The following DGKE variants were observed in gnomAD, a reference collection of about 807,000 sequenced individuals.
DGKE encodes DAG kinase epsilon.
In DGKE, 53 loss-of-function variants were observed where a neutral mutation model predicts 70.0. The observed-to-expected ratio is 0.76, with a 90% CI of 0.61 to 0.95. DGKE has a LOEUF of 0.95. Among genes scored for constraint, DGKE ranks in the 40% least tolerant of loss-of-function variants. The pLI, the probability that DGKE is intolerant of heterozygous loss-of-function variation, is 0.00. For missense variants in DGKE, 655 were observed against 706.9 expected, an observed-to-expected ratio of 0.93 and a Z score of 0.83; for synonymous variants, 291 against 257.0, an observed-to-expected ratio of 1.13 and a Z score of -1.27.
intron 2 of DGKE, among the ~76,000 whole-genome samples, chr17:56,836,898 A>T (rs1031077476): frequency 6.6e-6 from 1 of 152,164 alleles, no homozygotes; most frequent in African/African-American, 2.4e-5. Flanking sequence ...TCCTCTCAGT[A>T]TTCTTCTGGC....
chr17:56,841,496 G>A (rs906116091), intron 2 of DGKE, among the ~76,000 whole-genome samples: 2 of 151,968 alleles, frequency 1.3e-5, no homozygotes, highest in African/African-American at 4.8e-5. Context: ...CACAAAAGGG[G>A]GCTGAAAAAC....
At position 56,863,269 on chromosome 17, in the gene DGKE, C is replaced by T. The variant is rs1230895523; in HGVS notation, c.*478C>T. On this transcript the variant is annotated 3_prime_UTR_variant, in exon 12 of 12. Coordinates refer to ENST00000284061, the MANE Select transcript of DGKE (RefSeq NM_003647.3). Reference sequence around the variant, plus strand: ...TGTGAGCATCCTCCTGCAGCATGCCCCTTAAGATTTTCTACAACCCAAACC... The same window carrying T: ...TGTGAGCATCCTCCTGCAGCATGCCTCTTAAGATTTTCTACAACCCAAACC... The T allele has an allele frequency of 1.3e-5, 2 of 152,170 alleles. No homozygotes were observed. Among genetic ancestry groups the T allele is most frequent in the African/African-American group, 4.8e-5 (2 of 41,404 alleles). The allele number at this position is 152,170 out of a possible 1,614,324, so 9.4% of individuals were successfully genotyped here.
In DGKE at chr17:56,868,975, G is replaced by A. The variant is rs908621402; in HGVS notation, c.*6184G>A. The stretch of plus-strand genomic sequence containing the variant: ...GAATTCACCTTATTTTCAGTTGGTA[G>A]AGTATGGAAAAATGTATCACTTATT... On this transcript the variant is annotated 3_prime_UTR_variant, in exon 12 of 12. Transcript: ENST00000284061. 7.9e-5 allele frequency: 12 copies of A among 152,326 alleles called. No homozygotes were observed. Among genetic ancestry groups the A allele is most frequent in the Admixed American group, 1.3e-4 (2 of 15,298 alleles). The allele number at this position is 152,326 out of a possible 1,614,324, so 9.4% of individuals were successfully genotyped here.
intron 2 of DGKE, 102 bp downstream of exon 2, chr17:56,835,361 A>T (rs748482164): frequency 2.2e-5 from 28 of 1,246,960 alleles, no homozygotes; most frequent in Admixed American, 7.9e-5. Flanking sequence ...GATGACCTAA[A>T]CTCATTTTGA....
intron 8 of DGKE, among the ~76,000 whole-genome samples, chr17:56,858,156 A>G (rs1255389321): frequency 6.6e-6 from 1 of 152,146 alleles, no homozygotes; most frequent in Non-Finnish European, 1.5e-5. Flanking sequence ...CTTAAATGGA[A>G]TGGCCTGTAT....
At chr17:56,862,087 T>C (rs1908327923) in intron 10 of DGKE, 53 bp from the exon 11 acceptor site, 1 of 1,591,662 alleles carries the variant, frequency 6.3e-7, no homozygotes, top group Admixed American at 1.7e-5. Flanking sequence ...TGCTCTAGCA[T>C]AACTGATTTT....
chr17:56,863,019 C>A lies in DGKE; in HGVS notation c.*228C>A, dbSNP rs965911703. 8.1e-6 allele frequency: 3 copies of A among 372,366 alleles called. No homozygotes were observed. The highest frequency in any genetic ancestry group is 4.4e-5 in the East Asian group (1 of 22,940). The allele number at this position is 372,366 out of a possible 1,614,324, so 23.1% of individuals were successfully genotyped here. The stretch of plus-strand genomic sequence containing the variant: ...ACTTCAAATGAATAGTATTAACTTA[C>A]AAAAAGTCACAAAAACTTACATGAG... On this transcript the variant is annotated 3_prime_UTR_variant, in exon 12 of 12. Coordinates refer to ENST00000284061, the MANE Select transcript of DGKE (RefSeq NM_003647.3).
chr17:56,857,663 C>T (rs1277198365), intron 8 of DGKE, among the ~76,000 whole-genome samples: 3 of 152,104 alleles, frequency 2.0e-5, no homozygotes, highest in African/African-American at 7.2e-5. Context: ...GATTAATACG[C>T]ATTACTATTC....
intron 7 of DGKE, among the ~76,000 whole-genome samples, chr17:56,854,019 G>T (rs1907800100): frequency 6.7e-6 from 1 of 149,450 alleles, no homozygotes; most frequent in Admixed American, 6.7e-5. Context: ...GTCATTCTCG[G>T]CAACATAGCT....
In DGKE at chr17:56,862,919, C is replaced by G; in HGVS notation, c.*128C>G. The stretch of plus-strand genomic sequence containing the variant: ...TTTCACTAGTAGTATAATGGGTATA[C>G]ATTTTTGTAAATAGCATCCCCAAAC... On this transcript the variant is annotated 3_prime_UTR_variant, in exon 12 of 12. Transcript: ENST00000284061. The G allele has an allele frequency of 1.3e-6, 1 of 745,846 alleles. No individual in the cohort carries two copies. Among genetic ancestry groups the G allele is most frequent in the Non-Finnish European group, 1.9e-6 (1 of 535,850 alleles). 46.2% of individuals were successfully genotyped at this position (745,846 alleles called of 1,614,324 possible).
At chr17:56,834,715 C>T (rs1906453554) in intron 1 of DGKE, 63 bp from the exon 2 acceptor site, 3 of 1,460,804 alleles carry the variant, frequency 2.1e-6, no homozygotes, top group East Asian at 2.3e-5. Flanking sequence ...CCCGGAAAGG[C>T]AGGAAGGGGG....
chr17:56,861,008 C>T (rs1346678430), intron 9 of DGKE, among the ~76,000 whole-genome samples: 1 of 152,140 alleles, frequency 6.6e-6, no homozygotes, highest in East Asian at 1.9e-4. Flanking sequence ...AAGTGTCGAT[C>T]CAACCGCTCT....
At chr17:56,840,521 A>G (rs1255740098) in intron 2 of DGKE, among the ~76,000 whole-genome samples, 1 of 152,122 alleles carries the variant, frequency 6.6e-6, no homozygotes, top group African/African-American at 2.4e-5. Flanking sequence ...GATTACAGGC[A>G]TGCACCACCA....
In DGKE at chr17:56,866,646, C is replaced by G. The variant is rs1264102663; in HGVS notation, c.*3855C>G. 1 of 152,186 alleles carries G rather than the reference C, an allele frequency of 6.6e-6. No homozygotes were observed. Among genetic ancestry groups the G allele is most frequent in the African/African-American group, 2.4e-5 (1 of 41,450 alleles). The allele number at this position is 152,186 out of a possible 1,614,324, so 9.4% of individuals were successfully genotyped here. ...TGTGGAATCAGTTTTTGGACTGTGA[C>G]CCATGCAGTGTTGGGGGACAAGGAG... On this transcript the variant is annotated 3_prime_UTR_variant, in exon 12 of 12. Coordinates refer to ENST00000284061, the MANE Select transcript of DGKE (RefSeq NM_003647.3).
intron 7 of DGKE, among the ~76,000 whole-genome samples, chr17:56,849,523 G>A (rs1013260596): frequency 6.6e-6 from 1 of 152,128 alleles, no homozygotes; most frequent in Non-Finnish European, 1.5e-5. Flanking sequence ...AGGTGAGAGA[G>A]TGCAAAGCAT....
chr17:56,834,988 A>C lies in DGKE; in HGVS notation c.193A>C (p.Thr65Pro). Reference sequence around the variant, plus strand: ...CAAGAGCAAGCACGGGTGGCGCGACACGGACCTGTTCAGCCAGCCCACCTA... The same window carrying C: ...CAAGAGCAAGCACGGGTGGCGCGACCCGGACCTGTTCAGCCAGCCCACCTA... Reference protein sequence around the residue: ...FRKSKHGWRDTDLFSQPTYCC... With the variant: ...FRKSKHGWRDPDLFSQPTYCC... Residue 65 changes from threonine to proline, a missense_variant, in exon 2 of 12, where the codon ACG (threonine) becomes CCG (proline). Physicochemically the swap from Thr to Pro is conservative, Grantham distance 38. Coordinates refer to ENST00000284061, the MANE Select transcript of DGKE (RefSeq NM_003647.3). 6.2e-7 allele frequency: 1 copy of C among 1,612,774 alleles called. No homozygotes were observed. The highest frequency in any genetic ancestry group is 8.5e-7 in the Non-Finnish European group (1 of 1,179,978).
At position 56,864,634 on chromosome 17, in the gene DGKE, T is replaced by G. The variant is rs1191891993; in HGVS notation, c.*1843T>G. 6.6e-6 allele frequency: 1 copy of G among 151,726 alleles called. No homozygotes were observed. Among genetic ancestry groups the G allele is most frequent in the Non-Finnish European group, 1.5e-5 (1 of 67,948 alleles). The allele number at this position is 151,726 out of a possible 1,614,324, so 9.4% of individuals were successfully genotyped here. A position where few individuals can be genotyped will look rare whatever the true frequency, so the allele number is the denominator to read the frequency against. ...TGGGCCAATCATGTTCTGAGTATTA[T>G]GAAGTTTATCCTTTCATTCATGATC... On this transcript the variant is annotated 3_prime_UTR_variant, in exon 12 of 12. Transcript: ENST00000284061.
intron 8 of DGKE, among the ~76,000 whole-genome samples, chr17:56,858,086 A>AG (rs939168691): frequency 1.6e-4 from 24 of 151,370 alleles, no homozygotes; most frequent in African/African-American, 3.6e-4. Flanking sequence ...AAAAAAAAAA[A>AG]AAAGAAAAAG....
intron 7 of DGKE, 137 bp from the exon 8 acceptor site, chr17:56,856,375 T>C: frequency 1.0e-6 from 1 of 960,430 alleles, no homozygotes; most frequent in Admixed American, 2.9e-5. Flanking sequence ...CTGGACAGTA[T>C]AAAATAGCCA....
Sources: allele counts gnomAD v4.1 joint callset (sites outside exome capture counted in the v4.1 genomes callset), GRCh38; gene constraint gnomAD v4.1.1; transcripts MANE v1.5; gene names NCBI Gene and HGNC (gene_info 2026-07-23, HGNC 2026-07-21).